Variants in PLEKHG4B observed in about 807,000 individuals in gnomAD.
PLEKHG4B encodes pleckstrin homology and RhoGEF domain containing G4B.
Under a neutral mutation model 121.3 loss-of-function variants are expected in PLEKHG4B, and 111 were observed. That is an observed-to-expected ratio of 0.92 (90% CI 0.78 to 1.07). The LOEUF is 1.07. Among genes scored for constraint, PLEKHG4B ranks in the 50% least tolerant of loss-of-function variants. The pLI is 0.00. For missense variants in PLEKHG4B, 1,831 were observed against 1,757.8 expected (o/e 1.04, Z -0.74); for synonymous variants, 738 against 725.0 (o/e 1.02, Z -0.29).
intron 18 of PLEKHG4B, 23 bp downstream of exon 18, chr5:174,121 G>A (rs1198916896): frequency 7.1e-7 from 1 of 1,416,012 alleles, no homozygotes; most frequent in South Asian, 1.2e-5. Flanking sequence ...GGGCCGCAGG[G>A]CCTGCCAGGC....
intron 3 of PLEKHG4B, among the ~76,000 whole-genome samples, chr5:142,088 G>A (rs1332125501): frequency 1.3e-5 from 2 of 152,158 alleles, no homozygotes; most frequent in African/African-American, 2.4e-5. Context: ...GCACACACAC[G>A]GGACCTACCG....
In PLEKHG4B at chr5:140,519, G is replaced by T; in HGVS notation, c.1280G>T (p.Gly427Val). 1 of 1,597,684 alleles carries T rather than the reference G, an allele frequency of 6.3e-7. No individual in the cohort carries two copies. The highest frequency in any genetic ancestry group is 8.5e-7 in the Non-Finnish European group (1 of 1,172,680). ...ERHTPSRTGP[G>V]AAGRTLPRRS... is the part of the protein sequence containing the mutation. Reference sequence around the variant, plus strand: ...CACACACCCAGCCGGACAGGTCCAGGAGCTGCAGGGCGGACTCTTCCCAGG... The same window carrying T: ...CACACACCCAGCCGGACAGGTCCAGTAGCTGCAGGGCGGACTCTTCCCAGG... The change falls in exon 3 of 20, where the codon GGA becomes GTA. Residue 427 changes from glycine to valine, a missense_variant. Transcript: ENST00000637938.
chr5:97,339 A>G (rs1733659495), intron 1 of PLEKHG4B, among the ~76,000 whole-genome samples: 1 of 150,914 alleles, frequency 6.6e-6, no homozygotes, highest in Non-Finnish European at 1.5e-5. Context: ...CCTGTCATTC[A>G]GGCTCCAGAT....
chr5:156,718 A>T lies in PLEKHG4B; in HGVS notation c.2349-55A>T. 1 of 1,514,522 alleles carries T rather than the reference A, an allele frequency of 6.6e-7. No homozygotes were observed. 93.8% of individuals were successfully genotyped at this position (1,514,522 alleles called of 1,614,324 possible). A position where few individuals can be genotyped will look rare whatever the true frequency, so the allele number is the denominator to read the frequency against. On this transcript the variant is annotated intron_variant, in intron 10 of 19. Transcript: ENST00000637938. This position sits in a 1 kb window ranked among gnomAD's most constrained non-coding sequence, Gnocchi z 4.4. ...GTTTTTATATGGGGTTGTCACCAAG[A>T]GCAGATTCCTCAAGGGGCCGCCTGG...
rs1449288314 is a variant in PLEKHG4B, at chr5:113,893, CTG to C, written c.243+448_243+449del. Reference sequence around the variant, plus strand: ...CAGAGCTAAGTCAGTGCAGCAGTCACTGTGCAGGCCCACCTGGAAGGGATTGT... The same window carrying C: ...CAGAGCTAAGTCAGTGCAGCAGTCACTGCAGGCCCACCTGGAAGGGATTGT... On this transcript the variant is annotated intron_variant, in intron 2 of 19. Transcript: ENST00000637938. This position sits in a 1 kb window ranked among gnomAD's most constrained non-coding sequence, Gnocchi z 5.2. Among the ~76,000 whole-genome samples the C allele has an allele frequency of 6.6e-6, 1 of 152,170 alleles. No homozygotes were observed. Among genetic ancestry groups the C allele is most frequent in the Non-Finnish European group, 1.5e-5 (1 of 68,036 alleles).
At chr5:109,607 C>T (rs993223557) in intron 1 of PLEKHG4B, among the ~76,000 whole-genome samples, 3 of 152,090 alleles carry the variant, frequency 2.0e-5, no homozygotes, top group Admixed American at 6.5e-5. Flanking sequence ...CGTGGAGCTG[C>T]GAGCCAGGGA....
At chr5:128,518 G>A (rs926012536) in intron 2 of PLEKHG4B, among the ~76,000 whole-genome samples, 3 of 152,138 alleles carry the variant, frequency 2.0e-5, no homozygotes, top group African/African-American at 7.2e-5. Context: ...TGTTTCTTGG[G>A]GTTTTTTGGC....
At chr5:145,468 C>T (rs978772828) in intron 6 of PLEKHG4B, among the ~76,000 whole-genome samples, 1 of 152,228 alleles carries the variant, frequency 6.6e-6, no homozygotes, top group Non-Finnish European at 1.5e-5. Context: ...TCAAGCCATG[C>T]TACTGCCTCA....
intron 1 of PLEKHG4B, among the ~76,000 whole-genome samples, chr5:111,056 G>GCA: frequency 6.6e-6 from 1 of 152,346 alleles, no homozygotes; most frequent in East Asian, 1.9e-4. Context: ...TCGGAGTCCT[G>GCA]CACACACACT....
chr5:125,846 A>G (rs985406473), intron 2 of PLEKHG4B, among the ~76,000 whole-genome samples: 30 of 152,188 alleles, frequency 2.0e-4, no homozygotes, highest in African/African-American at 6.5e-4. Flanking sequence ...TTTCACTCTC[A>G]CTTTTGAAGC....
At chr5:120,980 C>T (rs1057126217) in intron 2 of PLEKHG4B, among the ~76,000 whole-genome samples, 1 of 152,194 alleles carries the variant, frequency 6.6e-6, no homozygotes, top group African/African-American at 2.4e-5. Flanking sequence ...GGTGTGGTGG[C>T]TCACGCCTGT....
At chr5:105,311 A>G (rs1451283311) in intron 1 of PLEKHG4B, among the ~76,000 whole-genome samples, 1 of 152,248 alleles carries the variant, frequency 6.6e-6, no homozygotes, top group Non-Finnish European at 1.5e-5. Flanking sequence ...GTGTTAGGTG[A>G]AATTTCAAAT....
intron 18 of PLEKHG4B, 86 bp from the exon 19 acceptor site, chr5:181,428 T>C: frequency 7.1e-7 from 1 of 1,412,918 alleles, no homozygotes; most frequent in Non-Finnish European, 9.7e-7. Flanking sequence ...TGGTTTGGGC[T>C]GAGGGCATTA....
intron 18 of PLEKHG4B, among the ~76,000 whole-genome samples, chr5:177,087 A>T (rs923102913): frequency 6.6e-6 from 1 of 152,012 alleles, no homozygotes; most frequent in Admixed American, 6.6e-5. Context: ...GGTTTAATTG[A>T]TTATCTACAC....
intron 2 of PLEKHG4B, among the ~76,000 whole-genome samples, chr5:114,313 C>T (rs180723153): frequency 1.4e-3 from 213 of 152,286 alleles, no homozygotes; most frequent in African/African-American, 4.9e-3. Flanking sequence ...CAGCATTTTA[C>T]CCACCATAGA....
intron 17 of PLEKHG4B, among the ~76,000 whole-genome samples, chr5:173,393 A>T (rs892783008): frequency 6.6e-6 from 1 of 151,850 alleles, no homozygotes; most frequent in African/African-American, 2.4e-5. Context: ...TCGGAGGTGC[A>T]CAGGGAGGGC....
chr5:146,973 C>G (rs1735442075), intron 6 of PLEKHG4B, among the ~76,000 whole-genome samples: 1 of 152,096 alleles, frequency 6.6e-6, no homozygotes, highest in Non-Finnish European at 1.5e-5. Context: ...GTCATGACCC[C>G]CCTTACAGAG....
rs1380189399 is a variant in PLEKHG4B at position 173,972 on chromosome 5, A to G, written c.4276A>G (p.Ile1426Val). Residue 1426 changes from isoleucine (I) to valine (V), a missense_variant, in exon 18 of 20, where the codon ATT (isoleucine) becomes GTT (valine). Physicochemically the swap from Ile to Val is conservative, Grantham distance 29. Transcript: ENST00000637938. ...CGGGGACAGTGGCTTGAGGTTTGAG[A>G]TTTGGTTTCGCAGGCGGCGGAAATC... Reference protein sequence around the residue: ...NVGDSGLRFEIWFRRRRKSQD... With the variant: ...NVGDSGLRFEVWFRRRRKSQD... 6.2e-7 allele frequency: 1 copy of G among 1,612,500 alleles called. No homozygotes were observed. Among genetic ancestry groups the G allele is most frequent in the East Asian group, 2.2e-5 (1 of 44,778 alleles).
intron 18 of PLEKHG4B, among the ~76,000 whole-genome samples, chr5:175,205 A>G (rs1018586581): frequency 6.6e-6 from 1 of 151,890 alleles, no homozygotes; most frequent in Admixed American, 6.5e-5. Flanking sequence ...GGCTGAGCTC[A>G]TGGTCAGCCC....
Sources: gnomAD v4.1 joint callset for allele counts (sites outside exome capture counted in the v4.1 genomes callset) on GRCh38, gnomAD v4.1.1 for gene constraint, Gnocchi (gnomAD v3.1) non-coding constraint, MANE v1.5 for transcripts, NCBI Gene and HGNC (gene_info 2026-07-23, HGNC 2026-07-21) for gene names.